The following SGSH variants were observed in gnomAD, a reference collection of about 807,000 sequenced individuals.
The protein encoded by SGSH is N-sulfoglucosamine sulfohydrolase, also known as heparan sulfate sulfatase.
SGSH carries 48 observed loss-of-function variants against 51.0 expected under a neutral mutation model. The observed-to-expected ratio is 0.94, with a 90% CI of 0.75 to 1.20. The LOEUF (loss-of-function observed/expected upper bound fraction) is 1.20. Among genes scored for constraint, SGSH ranks in the 50% most tolerant of loss-of-function variants. The probability of loss-of-function intolerance (pLI) is 0.00; values close to 1 mark genes in which losing one functional copy is unlikely to be tolerated. For missense variants in SGSH, 662 were observed against 717.8 expected (o/e 0.92, Z 0.89); for synonymous variants, 321 against 313.4 (o/e 1.02, Z -0.26).
downstream of SGSH, chr17:80,205,527 G>A (rs746900548): frequency 6.3e-6 from 10 of 1,584,426 alleles, no homozygotes; most frequent in Middle Eastern, 1.7e-4. Flanking sequence ...AATGTCACCT[G>A]TAGAGTACTT....
At chr17:80,217,346 C>T (rs765496923) in intron 1 of SGSH, 154 bp from the exon 2 acceptor site, 44 of 824,820 alleles carry the variant, frequency 5.3e-5, no homozygotes, top group African/African-American at 5.0e-4. Context: ...GAAATGCTAT[C>T]GTGACAGAGC....
downstream of SGSH, chr17:80,208,636 T>G: frequency 3.0e-6 from 1 of 336,632 alleles, no homozygotes; most frequent in Non-Finnish European, 5.4e-6. Context: ...GAGGGACGTC[T>G]TCCCATGCCT....
At chr17:80,207,088 A>G, downstream of SGSH, 1 of 1,608,462 alleles carries the variant, frequency 6.2e-7, no homozygotes, top group South Asian at 1.1e-5. Flanking sequence ...AAGCTCAAGT[A>G]GGTGCACGCT....
chr17:80,205,683 C>T, downstream of SGSH: 1 of 1,524,706 alleles, frequency 6.6e-7, no homozygotes. Context: ...GGCAGGGGAG[C>T]TGTCCTGGGA....
In SGSH at chr17:80,209,833, C is replaced by G. The variant is rs1250881700; in HGVS notation, c.*619G>C. The G allele has an allele frequency of 5.1e-6, 5 of 988,148 alleles. No individual in the cohort carries two copies. The highest frequency in any genetic ancestry group is 6.0e-6 in the Non-Finnish European group (5 of 831,760). The allele number at this position is 988,148 out of a possible 1,614,324, so 61.2% of individuals were successfully genotyped here. A position where few individuals can be genotyped will look rare whatever the true frequency, so the allele number is the denominator to read the frequency against. On this transcript the variant is annotated 3_prime_UTR_variant, in exon 8 of 8. Transcript: ENST00000326317. Reference sequence around the variant, plus strand: ...ACTCAGGGAGCCTGCTGCCAATCAGCTGAAACCTGCCTGGGGAACAGGGAC... The same window carrying G: ...ACTCAGGGAGCCTGCTGCCAATCAGGTGAAACCTGCCTGGGGAACAGGGAC...
chr17:80,212,667 G>A lies in SGSH; in HGVS notation c.746-393C>T, dbSNP rs1032863078. 28 of 354,842 alleles carry A rather than the reference G, an allele frequency of 7.9e-5. No individual in the cohort carries two copies. The highest frequency in any genetic ancestry group is 2.0e-3 in the Middle Eastern group (2 of 1,008). 22.0% of individuals were successfully genotyped at this position (354,842 alleles called of 1,614,324 possible). A position where few individuals can be genotyped will look rare whatever the true frequency, so the allele number is the denominator to read the frequency against. On this transcript the variant is annotated intron_variant, in intron 6 of 7. Transcript: ENST00000326317. This position sits in a 1 kb window ranked among gnomAD's most constrained non-coding sequence, Gnocchi z 5.9. Reference sequence around the variant, plus strand: ...CGCTCCTTCCCAGCTGGGGCCAGAGGACAAGGCTTCCTCTATACCCGCTCC... The same window carrying A: ...CGCTCCTTCCCAGCTGGGGCCAGAGAACAAGGCTTCCTCTATACCCGCTCC...
downstream of SGSH, among the ~76,000 whole-genome samples, chr17:80,206,296 T>TCTAAAAAAATATTTCAA (rs2041300554): frequency 6.6e-6 from 1 of 151,258 alleles, no homozygotes; most frequent in Non-Finnish European, 1.5e-5. Flanking sequence ...GAGACCCGTC[T>TCTAAAAAAATATTTCAA]CTAAAAAAAA....
At chr17:80,201,885 C>G (rs774496431), downstream of SGSH, 4 of 1,601,652 alleles carry the variant, frequency 2.5e-6, no homozygotes, top group East Asian at 8.9e-5. This position sits in a 1 kb window ranked among gnomAD's most constrained non-coding sequence, Gnocchi z 5.0. Context: ...ACATACCACT[C>G]CTCTCGTGTG....
At chr17:80,205,340 G>A (rs778642125), downstream of SGSH, 24 of 1,156,672 alleles carry the variant, frequency 2.1e-5, no homozygotes, top group Middle Eastern at 2.1e-4. Context: ...CACCTGCTGT[G>A]TCCAGATAGT....
chr17:80,215,181 A>T, intron 2 of SGSH, 43 bp from the exon 3 acceptor site: 1 of 1,440,974 alleles, frequency 6.9e-7, no homozygotes, highest in Non-Finnish European at 9.6e-7. Context: ...CCGGACAGCC[A>T]GAGCCCGCCT....
In SGSH at chr17:80,217,100, G is replaced by A. The variant is rs142309764; in HGVS notation, c.181C>T (p.Arg61Cys). The A allele has an allele frequency of 1.9e-4, 298 of 1,604,850 alleles. 2 individuals are homozygous for A. In the African/African-American group the frequency reaches 3.4e-3, roughly 18 times the overall value. ...CTGCTGACCGAGGTGAAGGCATTGC[G>A]AAAGAGGAGGCTGCGGCGGGCCAAG... ...DALARRSLLF[R>C]NAFTSVSSCS... The change falls in exon 2 of 8, where the codon CGC (arginine) becomes TGC (cysteine). Residue 61 changes from arginine (R) to cysteine (C), a missense_variant. Arg to Cys is a radical substitution (Grantham distance 180). Transcript: ENST00000326317.
chr17:80,205,321 TC>T (rs1432487338), downstream of SGSH: 1 of 1,151,662 alleles, frequency 8.7e-7, no homozygotes, highest in African/African-American at 1.5e-5. Context: ...CCACGCACAT[TC>T]CCACACTCAC....
rs1486918716 is a variant in SGSH, at chr17:80,210,637, T to G, written c.1324A>C (p.Ser442Arg). 9 of 1,613,850 alleles carry G rather than the reference T, an allele frequency of 5.6e-6. No homozygotes were observed. The South Asian group carries it at 9.9e-5, about 18-fold the overall frequency. Reference sequence around the variant, plus strand: ...TTCTGGGTCTCGTGGGGGTCCCGGCTCCGGTCGTAGAGCTCCCAGCGCGCC... The same window carrying G: ...TTCTGGGTCTCGTGGGGGTCCCGGCGCCGGTCGTAGAGCTCCCAGCGCGCC... ...YRARWELYDR[S>R]RDPHETQNLA... Residue 442 changes from serine to arginine, a missense_variant, in exon 8 of 8, where the codon AGC (serine) becomes CGC (arginine). Physicochemically the swap from Ser to Arg is moderately radical, Grantham distance 110. Coordinates refer to ENST00000326317, the MANE Select transcript of SGSH (RefSeq NM_000199.5).
chr17:80,207,249 C>T (rs901011401), downstream of SGSH, among the ~76,000 whole-genome samples: 1 of 152,184 alleles, frequency 6.6e-6, no homozygotes, highest in African/African-American at 2.4e-5. Flanking sequence ...GCTGATTGCT[C>T]ATGAGATTCC....
At chr17:80,211,981 G>T in intron 7 of SGSH, 90 bp downstream of exon 7, 1 of 1,020,132 alleles carries the variant, frequency 9.8e-7, no homozygotes, top group Admixed American at 1.9e-5. Flanking sequence ...GCCACATTAG[G>T]TAATGGGTGT....
rs748525651 is a variant in SGSH at position 80,213,803 on chromosome 17, C to G, written c.745+1G>C. On this transcript the variant is annotated splice_donor_variant, in intron 6 of 7. Transcript: ENST00000326317. LOFTEE classifies it high-confidence loss of function. This position sits in a 1 kb window ranked among gnomAD's most constrained non-coding sequence, Gnocchi z 4.6. Reference sequence around the variant, plus strand: ...TCCAGTGCCCGGTTCTGCAAGCCCACCTTGGTCCATGCGGCCGACGGTGGT... The same window carrying G: ...TCCAGTGCCCGGTTCTGCAAGCCCAGCTTGGTCCATGCGGCCGACGGTGGT... 1 of 1,599,900 alleles carries G rather than the reference C, an allele frequency of 6.3e-7. No individual in the cohort carries two copies.
chr17:80,214,379 C>T (rs2041805356), intron 4 of SGSH, 51 bp from the exon 5 acceptor site: 2 of 1,590,076 alleles, frequency 1.3e-6, no homozygotes, highest in Admixed American at 1.7e-5. Flanking sequence ...TGCCACGTGG[C>T]ACAGGAAGCC....
chr17:80,202,208 G>A, downstream of SGSH: 1 of 1,613,966 alleles, frequency 6.2e-7, no homozygotes, highest in East Asian at 2.2e-5. Flanking sequence ...AGGACCTGGA[G>A]GCCAAAGTGG....
In SGSH at chr17:80,210,999, G is replaced by C; in HGVS notation, c.962C>G (p.Thr321Ser). ...AYVSLLDLTP[T>S]ILDWFSIPYP... ...CGGGATCGAGAACCAATCCAAGATG[G>C]TGGGCGTGAGGTCTGGAAGGGACGC... Residue 321 changes from threonine to serine, a missense_variant, in exon 8 of 8, where the codon ACC becomes AGC. Transcript: ENST00000326317. 3.8e-6 allele frequency: 6 copies of C among 1,598,614 alleles called. No individual in the cohort carries two copies. The highest frequency in any genetic ancestry group is 5.1e-6 in the Non-Finnish European group (6 of 1,179,824).
Sources: gnomAD v4.1 joint callset for allele counts (sites outside exome capture counted in the v4.1 genomes callset) on GRCh38, gnomAD v4.1.1 for gene constraint, Gnocchi (gnomAD v3.1) non-coding constraint, MANE v1.5 for transcripts, NCBI Gene and HGNC (gene_info 2026-07-23, HGNC 2026-07-21) for gene names.